TMEM67: variants seen among roughly 807,000 people sequenced by gnomAD.
The protein encoded by TMEM67 is transmembrane protein 67, also known as meckelin.
A neutral mutation model predicts 136.6 loss-of-function variants in TMEM67; 124 were observed. The observed-to-expected ratio is 0.91, with a 90% CI of 0.78 to 1.05. The LOEUF (loss-of-function observed/expected upper bound fraction) is 1.05. TMEM67 is among the 50% of genes least tolerant of loss of function. The probability of loss-of-function intolerance (pLI) is 0.00; values close to 1 mark genes in which losing one functional copy is unlikely to be tolerated. For synonymous variants in TMEM67, 364 were observed against 390.5 expected, an observed-to-expected ratio of 0.93 and a Z score of 0.80; for missense variants, 1,107 against 1,178.4, an observed-to-expected ratio of 0.94 and a Z score of 0.89.
intron 15 of TMEM67, 82 bp downstream of exon 15, chr8:93,791,401 C>A: frequency 1.0e-6 from 1 of 967,398 alleles, no homozygotes; most frequent in South Asian, 1.5e-5. Flanking sequence ...GTTGCTAAAA[C>A]AAATTTGCCA....
intron 7 of TMEM67, 135 bp downstream of exon 7, chr8:93,772,786 T>C: frequency 1.4e-5 from 9 of 645,286 alleles, no homozygotes; most frequent in Non-Finnish European, 2.4e-5. Flanking sequence ...ATAAACTCTT[T>C]CTTGTGGGCT....
rs560294532 is a variant in TMEM67 at position 93,813,699 on chromosome 8, T to G, written c.2765-1606T>G. Among the ~76,000 whole-genome samples the G allele has an allele frequency of 5.3e-5, 8 of 152,184 alleles. No homozygotes were observed. The East Asian group carries it at 1.5e-3, about 29-fold the overall frequency. The stretch of plus-strand genomic sequence containing the variant: ...TTTGAGGGAAAGAGGATGAATTTAG[T>G]TTTCAGTATGTTGCATCTTGAGGTA... On this transcript the variant is annotated intron_variant, in intron 26 of 27. Coordinates refer to ENST00000453321, the MANE Select transcript of TMEM67 (RefSeq NM_153704.6).
intron 7 of TMEM67, among the ~76,000 whole-genome samples, chr8:93,777,199 C>T (rs570191685): frequency 9.9e-5 from 15 of 152,200 alleles, no homozygotes; most frequent in Non-Finnish European, 1.3e-4. Context: ...GTGGTGATAT[C>T]GCCTTTATCA....
intron 21 of TMEM67, among the ~76,000 whole-genome samples, chr8:93,800,878 C>G (rs1381261411): frequency 6.6e-6 from 1 of 151,984 alleles, no homozygotes; most frequent in Non-Finnish European, 1.5e-5. Context: ...TTATTTATAT[C>G]ATGAAACCTC....
chr8:93,783,759 G>A (rs1488976566), intron 11 of TMEM67, among the ~76,000 whole-genome samples: 2 of 152,142 alleles, frequency 1.3e-5, no homozygotes, highest in African/African-American at 2.4e-5. Context: ...CCTTTTTCAC[G>A]TGGTGACAGG....
Position 93,816,603 on chromosome 8 carries a change from G to T in TMEM67, c.*151G>T. On this transcript the variant is annotated 3_prime_UTR_variant, in exon 28 of 28. Coordinates refer to ENST00000453321, the MANE Select transcript of TMEM67 (RefSeq NM_153704.6). ...CAGAAAGATTTATTTTTATAACTTG[G>T]GAATATATAACCTGATATAATAGAA... The T allele has an allele frequency of 1.9e-6, 1 of 520,786 alleles. No individual in the cohort carries two copies. The allele number at this position is 520,786 out of a possible 1,614,324, so 32.3% of individuals were successfully genotyped here.
chr8:93,830,523 T>C, the TMEM67 span, among the ~76,000 whole-genome samples: 4 of 152,312 alleles, frequency 2.6e-5, no homozygotes, highest in East Asian at 7.7e-4. Context: ...GATCTGACAC[T>C]GTCTCCAGAT....
At chr8:93,798,143 A>G (rs1051369138) in intron 20 of TMEM67, among the ~76,000 whole-genome samples, 1 of 152,180 alleles carries the variant, frequency 6.6e-6, no homozygotes, top group African/African-American at 2.4e-5. Context: ...ACCCCAGGCA[A>G]CCACCATTCT....
rs778746997 is a variant in TMEM67, at chr8:93,786,192, G to T, written c.1289-31G>T. ...CAATAATTTCATGTTTTAAATTTGT[G>T]CAGTAAACTTTTTTCTTTTTATAAT... On this transcript the variant is annotated intron_variant, in intron 12 of 27. Coordinates refer to ENST00000453321, the MANE Select transcript of TMEM67 (RefSeq NM_153704.6). 3 of 1,607,606 alleles carry T rather than the reference G, an allele frequency of 1.9e-6. No homozygotes were observed. The East Asian group carries it at 6.7e-5, about 36-fold the overall frequency.
chr8:93,793,689 G>T (rs141497119), intron 16 of TMEM67, among the ~76,000 whole-genome samples: 1 of 151,810 alleles, frequency 6.6e-6, no homozygotes, highest in African/African-American at 2.4e-5. Context: ...TATATCCCTT[G>T]CCCATTTCTC....
Position 93,791,415 on chromosome 8 carries a change from A to G in TMEM67, c.1575+96A>G, listed in dbSNP as rs188002733. On this transcript the variant is annotated intron_variant, in intron 15 of 27. Coordinates refer to ENST00000453321, the MANE Select transcript of TMEM67 (RefSeq NM_153704.6). ...AGTTGCTAAAACAAATTTGCCAGCT[A>G]TTCTTTCCCCAGACTCCCCTAATGT... The G allele has an allele frequency of 1.5e-5, 12 of 827,090 alleles. No individual in the cohort carries two copies. In the East Asian group the frequency reaches 1.9e-4, roughly 13 times the overall value. The allele number at this position is 827,090 out of a possible 1,614,324, so 51.2% of individuals were successfully genotyped here. A position where few individuals can be genotyped will look rare whatever the true frequency, so the allele number is the denominator to read the frequency against.
chr8:93,808,502 A>C (rs1808538959), intron 23 of TMEM67, among the ~76,000 whole-genome samples: 2 of 144,504 alleles, frequency 1.4e-5, no homozygotes, highest in Non-Finnish European at 3.0e-5. Context: ...GATCTATTAT[A>C]GATGAATATA....
intron 26 of TMEM67, among the ~76,000 whole-genome samples, chr8:93,811,848 G>C (rs1808715548): frequency 6.6e-6 from 1 of 151,584 alleles, no homozygotes; most frequent in Admixed American, 6.6e-5. Context: ...CAAAAAAAAA[G>C]AAGAAACCAC....
At chr8:93,768,487 T>C (rs536821207) in intron 6 of TMEM67, among the ~76,000 whole-genome samples, 3 of 151,586 alleles carry the variant, frequency 2.0e-5, no homozygotes, top group East Asian at 3.9e-4. Flanking sequence ...TGGTGCCCTC[T>C]GTAACCCAGC....
intron 25 of TMEM67, 75 bp downstream of exon 25, chr8:93,809,236 T>G: frequency 1.1e-6 from 1 of 885,208 alleles, no homozygotes; most frequent in Non-Finnish European, 1.9e-6. Flanking sequence ...ATGTCAATTA[T>G]TTCTTCAAGT....
rs184291437 is a variant in TMEM67, at chr8:93,810,184, T to A, written c.2764+297T>A. On this transcript the variant is annotated intron_variant, in intron 26 of 27. Transcript: ENST00000453321. ...ACGGGTTTCACTGTGTTAGCCAGGA[T>A]GGTCTTGATCTCTTGACCTCGTGAT... Among the ~76,000 whole-genome samples the A allele has an allele frequency of 1.3e-3, 190 of 150,720 alleles. 1 individual carries two copies. Among genetic ancestry groups the A allele is most frequent in the African/African-American group, 4.5e-3 (185 of 41,432 alleles).
intron 26 of TMEM67, among the ~76,000 whole-genome samples, chr8:93,810,971 T>A (rs1004522971): frequency 6.6e-5 from 10 of 152,250 alleles, no homozygotes; most frequent in African/African-American, 2.4e-4. Flanking sequence ...GTATGACTGA[T>A]AACCTATTGT....
At chr8:93,825,001 G>A in the TMEM67 span, among the ~76,000 whole-genome samples, 1 of 152,168 alleles carries the variant, frequency 6.6e-6, no homozygotes, top group Non-Finnish European at 1.5e-5. Context: ...ACAGGCATGA[G>A]CCACCACACC....
chr8:93,828,002 C>T, the TMEM67 span, among the ~76,000 whole-genome samples: 2 of 152,048 alleles, frequency 1.3e-5, no homozygotes, highest in East Asian at 1.9e-4. Context: ...GATGCAGGAG[C>T]GTGAGGATGC....
Sources: gnomAD v4.1 joint callset for allele counts (sites outside exome capture counted in the v4.1 genomes callset) on GRCh38, gnomAD v4.1.1 for gene constraint, MANE v1.5 for transcripts, NCBI Gene and HGNC (gene_info 2026-07-23, HGNC 2026-07-21) for gene names.